PPEF1: variants seen among roughly 807,000 people sequenced by gnomAD.
The protein encoded by PPEF1 is protein phosphatase with EF-hand domain 1, also known as serine/threonine-protein phosphatase with EF-hands 1.
A neutral mutation model predicts 53.3 loss-of-function variants in PPEF1; 12 were observed. The ratio of observed to expected loss-of-function variants is 0.23; its 90% confidence interval spans 0.14 to 0.36. The LOEUF is 0.36. Among genes scored for constraint, PPEF1 ranks in the 10% least tolerant of loss-of-function variants. PPEF1 has a pLI of 1.00. For missense variants in PPEF1, 334 were observed against 490.4 expected, an observed-to-expected ratio of 0.68 and a Z score of 3.01; for synonymous variants, 165 against 176.7, an observed-to-expected ratio of 0.93 and a Z score of 0.52.
chrX:18,703,174 A>G (rs1364334893), upstream of PPEF1, among the ~76,000 whole-genome samples: 2 of 111,402 alleles, frequency 1.8e-5, no homozygotes, highest in East Asian at 5.6e-4. Flanking sequence ...TAGGTGGGGC[A>G]GTACATGGGA....
At chrX:18,680,427 C>T (rs867835446), upstream of PPEF1, among the ~76,000 whole-genome samples, 1 of 55,816 alleles carries the variant, frequency 1.8e-5, no homozygotes, top group Non-Finnish European at 2.9e-5. Flanking sequence ...TAAATTTCTT[C>T]TCTTTTTTTT....
chrX:18,698,922 A>G (rs1174097900), intron 5 of PPEF1, among the ~76,000 whole-genome samples: 2 of 112,100 alleles, frequency 1.8e-5, no homozygotes, highest in Non-Finnish European at 3.8e-5. Flanking sequence ...TGGCTTTGAG[A>G]GCCAGAAGAC....
intron 3 of PPEF1, among the ~76,000 whole-genome samples, chrX:18,744,007 C>A (rs1955617379): frequency 9.1e-6 from 1 of 110,484 alleles, no homozygotes; most frequent in African/African-American, 3.3e-5. Flanking sequence ...TCTCGTGCCT[C>A]AGGCTCCCGA....
At chrX:18,741,771 T>C (rs1241822367) in intron 3 of PPEF1, among the ~76,000 whole-genome samples, 2 of 102,161 alleles carry the variant, frequency 2.0e-5, no homozygotes, top group South Asian at 8.6e-4. Context: ...GGCTGCTGCT[T>C]CTTTTTTTTT....
intron 1 of PPEF1, among the ~76,000 whole-genome samples, chrX:18,676,955 A>G (rs367866287): frequency 2.0e-5 from 2 of 101,411 alleles, no homozygotes; most frequent in African/African-American, 7.4e-5. Flanking sequence ...TTGGTGAAAA[A>G]CTCTTGTTCC....
intron 1 of PPEF1, among the ~76,000 whole-genome samples, chrX:18,711,088 G>GTA (rs1247088850): frequency 1.3e-5 from 1 of 75,446 alleles, no homozygotes; most frequent in South Asian, 9.2e-4. Context: ...ATGTGTGTGT[G>GTA]TGTGTATATA....
chrX:18,734,256 C>A (rs1357971311), intron 3 of PPEF1, among the ~76,000 whole-genome samples: 1 of 105,921 alleles, frequency 9.4e-6, no homozygotes, highest in Non-Finnish European at 1.9e-5. Flanking sequence ...ATTAGGTGTA[C>A]TCCTAATGCT....
chrX:18,806,728 G>A (rs1283039359), intron 12 of PPEF1, among the ~76,000 whole-genome samples, 183 bp downstream of exon 12: 2 of 111,905 alleles, frequency 1.8e-5, no homozygotes, highest in Non-Finnish European at 1.9e-5. Context: ...AAACCAAAAA[G>A]AGCAATTTTA....
intron 1 of PPEF1, among the ~76,000 whole-genome samples, chrX:18,676,986 A>G (rs1042450424): frequency 9.1e-6 from 1 of 109,588 alleles, no homozygotes; most frequent in African/African-American, 3.3e-5. Flanking sequence ...TCCAGGAGGG[A>G]AACTGTGTTC....
intron 1 of PPEF1, among the ~76,000 whole-genome samples, chrX:18,728,188 G>GCT (rs1170613825): frequency 5.7e-5 from 6 of 105,296 alleles, no homozygotes; most frequent in Admixed American, 2.1e-4. Flanking sequence ...TCTCTCTCTC[G>GCT]CTCTCTCTCT....
rs1023505771 is a variant in PPEF1 at position 18,817,803 on chromosome X, C to T, written c.1395-236C>T. Among the ~76,000 whole-genome samples the T allele has an allele frequency of 2.7e-5, 3 of 111,394 alleles. No homozygotes were observed. The East Asian group carries it at 8.4e-4, about 31-fold the overall frequency. Reference sequence around the variant, plus strand: ...AAATGATTGTTCATGTGAGTTTTGACATTCAAAAGAAAATACTATTTGTAA... The same window carrying T: ...AAATGATTGTTCATGTGAGTTTTGATATTCAAAAGAAAATACTATTTGTAA... On this transcript the variant is annotated intron_variant, in intron 12 of 15. Transcript: ENST00000470157.
intron 3 of PPEF1, among the ~76,000 whole-genome samples, chrX:18,735,644 G>GT (rs764545347): frequency 1.8e-5 from 2 of 112,016 alleles, no homozygotes; most frequent in East Asian, 2.8e-4. Flanking sequence ...CTTTAAAGTA[G>GT]TTTTTTCCAA....
chrX:18,737,054 A>G (rs768626856), intron 3 of PPEF1, among the ~76,000 whole-genome samples: 2 of 110,844 alleles, frequency 1.8e-5, no homozygotes, highest in Non-Finnish European at 1.9e-5. Context: ...CAGTCTATCA[A>G]TTTTGTTGAT....
At chrX:18,817,067 CATGTGTGTGTGTGTGTGT>C (rs1421930314) in intron 12 of PPEF1, among the ~76,000 whole-genome samples, 26 of 49,149 alleles carry the variant, frequency 5.3e-4, no homozygotes, top group African/African-American at 1.5e-3. Flanking sequence ...ATCATTTTGC[CATGTGTGTGTGTGTGTGT>C]GTGTGTGTGT....
chrX:18,810,500 A>G (rs1249125455), intron 12 of PPEF1, among the ~76,000 whole-genome samples: 1 of 111,043 alleles, frequency 9.0e-6, no homozygotes, highest in Non-Finnish European at 1.9e-5. Context: ...TAAAAAGAAA[A>G]CTCATACCCA....
intron 5 of PPEF1, among the ~76,000 whole-genome samples, chrX:18,758,522 G>A (rs1177084178): frequency 8.9e-6 from 1 of 111,897 alleles, no homozygotes; most frequent in East Asian, 2.8e-4. Flanking sequence ...GCGTCTGATA[G>A]TGGTGGCAGG....
At chrX:18,704,759 T>G (rs1228341049), upstream of PPEF1, among the ~76,000 whole-genome samples, 1 of 111,797 alleles carries the variant, frequency 8.9e-6, no homozygotes, top group Non-Finnish European at 1.9e-5. Context: ...GAAAAAAATC[T>G]TGATGCCTCA....
intron 3 of PPEF1, among the ~76,000 whole-genome samples, chrX:18,735,604 A>G: frequency 9.0e-6 from 1 of 111,730 alleles, no homozygotes; most frequent in Non-Finnish European, 1.9e-5. Flanking sequence ...TTGTCTTGGC[A>G]ATGTGGGCTC....
chrX:18,741,816 G>A (rs1005854693), intron 3 of PPEF1, among the ~76,000 whole-genome samples: 2 of 71,644 alleles, frequency 2.8e-5, no homozygotes, highest in South Asian at 7.0e-4. Flanking sequence ...TTTTGTTGTC[G>A]TTGTTGAGAC....
Sources: gnomAD v4.1 joint callset for allele counts (sites outside exome capture counted in the v4.1 genomes callset) on GRCh38, gnomAD v4.1.1 for gene constraint, MANE v1.5 for transcripts, NCBI Gene and HGNC (gene_info 2026-07-23, HGNC 2026-07-21) for gene names.